Variants in ASTN2 observed in about 807,000 individuals in gnomAD.
ASTN2 encodes astrotactin-2.
Under a neutral mutation model 139.8 loss-of-function variants are expected in ASTN2, and 54 were observed. The ratio of observed to expected loss-of-function variants is 0.39; its 90% CI spans 0.31 to 0.48. The LOEUF is 0.48. Among genes scored for constraint, ASTN2 ranks in the 20% least tolerant of loss-of-function variants. ASTN2 has a pLI of 0.95. For missense variants in ASTN2, 1,565 were observed against 1,725.1 expected (o/e 0.91, Z 1.64); for synonymous variants, 756 against 719.5 (o/e 1.05, Z -0.81).
chr9:117,056,645 C>A (rs1839072385), intron 5 of ASTN2, among the ~76,000 whole-genome samples: 1 of 152,228 alleles, frequency 6.6e-6, no homozygotes, highest in African/African-American at 2.4e-5. Flanking sequence ...ACACAGGAGG[C>A]AGCAGGCAAG....
intron 19 of ASTN2, among the ~76,000 whole-genome samples, chr9:116,500,846 C>T (rs892352056): frequency 1.3e-5 from 2 of 152,192 alleles, no homozygotes; most frequent in Non-Finnish European, 2.9e-5. Context: ...GCTATTATCA[C>T]TGTTATTTTA....
intron 16 of ASTN2, among the ~76,000 whole-genome samples, chr9:116,657,826 G>C (rs942307604): frequency 3.3e-5 from 5 of 149,518 alleles, no homozygotes; most frequent in African/African-American, 1.2e-4. Context: ...GGGTGACACA[G>C]TGAGAACCTG....
chr9:116,942,597 T>C (rs1283163600), intron 10 of ASTN2, among the ~76,000 whole-genome samples: 1 of 152,206 alleles, frequency 6.6e-6, no homozygotes, highest in Admixed American at 6.5e-5. Context: ...GGTGGAGCAC[T>C]GATTTGCTGC....
chr9:117,084,273 C>T (rs560069978), intron 5 of ASTN2, among the ~76,000 whole-genome samples: 46 of 152,258 alleles, frequency 3.0e-4, no homozygotes, highest in South Asian at 2.1e-3. Flanking sequence ...TTTCTCTGTC[C>T]GTGAGAGAAA....
At chr9:117,146,049 A>C (rs374268431) in intron 3 of ASTN2, among the ~76,000 whole-genome samples, 1 of 152,148 alleles carries the variant, frequency 6.6e-6, no homozygotes, top group African/African-American at 2.4e-5. Context: ...CAGTGCCAAG[A>C]GCCCAGGCAG....
At chr9:116,478,940 T>A (rs1021393051) in intron 20 of ASTN2, among the ~76,000 whole-genome samples, 2 of 131,104 alleles carry the variant, frequency 1.5e-5, no homozygotes. Context: ...TGCAGTGAGC[T>A]GAGATTGCAC....
intron 16 of ASTN2, among the ~76,000 whole-genome samples, chr9:116,655,535 G>A (rs1040919065): frequency 1.3e-5 from 2 of 151,988 alleles, no homozygotes; most frequent in African/African-American, 4.8e-5. Flanking sequence ...TCTCTCAATC[G>A]TGGCACAGGC....
intron 4 of ASTN2, among the ~76,000 whole-genome samples, chr9:117,109,454 C>G (rs2132783989): frequency 6.6e-6 from 1 of 152,252 alleles, no homozygotes; most frequent in Middle Eastern, 3.4e-3. Context: ...CTCTCTGGTT[C>G]TGAAAACATC....
intron 1 of ASTN2, among the ~76,000 whole-genome samples, chr9:117,383,539 G>A (rs1471949598): frequency 6.6e-6 from 1 of 152,102 alleles, no homozygotes; most frequent in Non-Finnish European, 1.5e-5. Context: ...CACTTGTGGG[G>A]GCTGGGGGTG....
At chr9:117,040,284 A>T (rs1564397066) in intron 5 of ASTN2, among the ~76,000 whole-genome samples, 1 of 152,152 alleles carries the variant, frequency 6.6e-6, no homozygotes, top group African/African-American at 2.4e-5. Context: ...CAATTAGATG[A>T]TATTAAGCCC....
At chr9:116,459,337 A>G (rs939736435) in intron 20 of ASTN2, among the ~76,000 whole-genome samples, 2 of 152,210 alleles carry the variant, frequency 1.3e-5, no homozygotes, top group Non-Finnish European at 2.9e-5. Flanking sequence ...AAAATCTTTA[A>G]GACCTTGGAT....
intron 4 of ASTN2, among the ~76,000 whole-genome samples, chr9:117,117,682 G>A (rs1829432660): frequency 6.6e-6 from 1 of 152,306 alleles, no homozygotes; most frequent in African/African-American, 2.4e-5. Context: ...ATTTAATCCT[G>A]TTTGCTGAGT....
intron 1 of ASTN2, among the ~76,000 whole-genome samples, chr9:117,352,308 A>T (rs1339245821): frequency 6.6e-6 from 1 of 152,182 alleles, no homozygotes; most frequent in Non-Finnish European, 1.5e-5. Flanking sequence ...CCCTGAGAGC[A>T]ATTATTAGTT....
In ASTN2 at chr9:116,978,522, C is replaced by CACACACACACACACACACAG. The variant is rs138804229; in HGVS notation, c.1592-1738_1592-1737insCTGTGTGTGTGTGTGTGTGT. ...ACACACACACACACACACACACACA[C>CACACACACACACACACACAG]AGAGAGATAAACCTGTCACCCTTGG... On this transcript the variant is annotated intron_variant, in intron 7 of 22. Coordinates refer to ENST00000313400, the MANE Select transcript of ASTN2 (RefSeq NM_001365068.1). Among the ~76,000 whole-genome samples the CACACACACACACACACACAG allele has an allele frequency of 3.3e-5, 5 of 150,390 alleles. No individual in the cohort carries two copies. In the South Asian group the frequency reaches 6.3e-4, roughly 19 times the overall value.
rs1829193082 is a variant in ASTN2 at position 116,744,904 on chromosome 9, C to T, written c.2397-11381G>A. 1.3e-5 allele frequency among the ~76,000 whole-genome samples: 2 copies of T among 152,154 alleles called. 1 individual carries two copies. The highest frequency in any genetic ancestry group is 4.8e-5 in the African/African-American group (2 of 41,440). The stretch of plus-strand genomic sequence containing the variant: ...ACTGTGAGACCCACAGGAAGATGGC[C>T]AGATCTCAAGCCTAACCCCCAGCAC... On this transcript the variant is annotated intron_variant, in intron 13 of 22. Transcript: ENST00000313400.
intron 1 of ASTN2, among the ~76,000 whole-genome samples, chr9:117,336,619 A>G (rs1044622782): frequency 2.0e-5 from 3 of 152,112 alleles, no homozygotes; most frequent in African/African-American, 7.2e-5. Context: ...GCCATACTAA[A>G]TTTCACCAAC....
intron 4 of ASTN2, among the ~76,000 whole-genome samples, chr9:117,120,018 G>GTATGTATATATATATATATATA (rs1554780401): frequency 1.5e-4 from 7 of 46,000 alleles, no homozygotes; most frequent in Admixed American, 6.0e-4. Flanking sequence ...GTGTGTGTGT[G>GTATGTATATATATATATATATA]TATATATATA....
rs143618469 is a variant in ASTN2, at chr9:116,508,017, T to A, written c.3356-20517A>T. Among the ~76,000 whole-genome samples, 143 of 152,240 alleles carry A rather than the reference T, an allele frequency of 9.4e-4. 2 individuals carry two copies. In the East Asian group the frequency reaches 0.02, roughly 21 times the overall value. On this transcript the variant is annotated intron_variant, in intron 19 of 22. Coordinates refer to ENST00000313400, the MANE Select transcript of ASTN2 (RefSeq NM_001365068.1). ...GGTTCTCCTGCCTCAGCCTCCTGAGTAGCTGGGGTTAAAGGCATATGCCAC... is the reference window on the plus strand; with the variant it reads ...GGTTCTCCTGCCTCAGCCTCCTGAGAAGCTGGGGTTAAAGGCATATGCCAC...
intron 10 of ASTN2, among the ~76,000 whole-genome samples, chr9:116,934,885 G>A (rs557512099): frequency 2.8e-4 from 43 of 152,178 alleles, no homozygotes; most frequent in Non-Finnish European, 5.6e-4. Flanking sequence ...TCCATATACA[G>A]TGGCTGTTGT....
Sources: gnomAD v4.1 joint callset for allele counts (sites outside exome capture counted in the v4.1 genomes callset) on GRCh38, gnomAD v4.1.1 for gene constraint, MANE v1.5 for transcripts, NCBI Gene and HGNC (gene_info 2026-07-23, HGNC 2026-07-21) for gene names.